The following RBBP4 variants were observed in gnomAD, a reference collection of about 807,000 sequenced individuals.
RBBP4 encodes RB binding protein 4, chromatin remodeling factor.
A neutral mutation model predicts 57.2 loss-of-function variants in RBBP4; 3 were observed. The ratio of observed to expected loss-of-function variants is 0.05; its 90% CI spans 0.02 to 0.14. RBBP4 has a LOEUF of 0.14. Ranked by LOEUF, RBBP4 falls within the 10% of genes least tolerant of loss-of-function variation. RBBP4 has a pLI of 1.00. For missense variants in RBBP4, 107 were observed against 520.6 expected, an observed-to-expected ratio of 0.21 and a Z score of 7.73; for synonymous variants, 151 against 171.5, an observed-to-expected ratio of 0.88 and a Z score of 0.93.
intron 2 of RBBP4, among the ~76,000 whole-genome samples, chr1:32,656,062 TAGTC>T (rs1302118782): frequency 1.1e-4 from 17 of 152,186 alleles, no homozygotes; most frequent in African/African-American, 3.1e-4. Flanking sequence ...GAACACTAAA[TAGTC>T]AGTTTTAATC....
chr1:32,677,709 G>GAGT, intron 11 of RBBP4, among the ~76,000 whole-genome samples: 1 of 7,426 alleles, frequency 1.3e-4, no homozygotes, highest in South Asian at 0.071. Flanking sequence ...GAATAGGATT[G>GAGT]AGTTGTACAC....
At chr1:32,667,370 T>C (rs1648698053) in intron 3 of RBBP4, among the ~76,000 whole-genome samples, 1 of 152,226 alleles carries the variant, frequency 6.6e-6, no homozygotes, top group African/African-American at 2.4e-5. Context: ...TTCAGCTGCC[T>C]GAAAGGGAAG....
At chr1:32,653,951 C>T (rs1260503513) in intron 2 of RBBP4, among the ~76,000 whole-genome samples, 3 of 152,078 alleles carry the variant, frequency 2.0e-5, no homozygotes, top group Non-Finnish European at 4.4e-5. Flanking sequence ...AGCCACCGCG[C>T]CCGGCCTAGA....
intron 11 of RBBP4, among the ~76,000 whole-genome samples, chr1:32,674,335 G>T (rs1022377021): frequency 6.6e-6 from 1 of 152,060 alleles, no homozygotes; most frequent in Non-Finnish European, 1.5e-5. Flanking sequence ...CCGGGCTCAA[G>T]ACATCCTCCT....
intron 3 of RBBP4, among the ~76,000 whole-genome samples, chr1:32,664,128 C>T (rs1648544894): frequency 6.6e-6 from 1 of 152,026 alleles, no homozygotes; most frequent in South Asian, 2.1e-4. Context: ...CGGGGTTTTA[C>T]CGTGTTAGCC....
At position 32,669,775 on chromosome 1, in the gene RBBP4, A is replaced by G. The variant is rs2148527016; in HGVS notation, c.966+212A>G. On this transcript the variant is annotated intron_variant, in intron 8 of 11. Coordinates refer to ENST00000373493, the MANE Select transcript of RBBP4 (RefSeq NM_005610.3). The surrounding 1 kb of genome is among the most constrained non-coding windows in gnomAD (Gnocchi z 4.9). Reference sequence around the variant, plus strand: ...CATGGTGGCGGATGCCCGTAGTCCCAGCTACTCGGGAGGCTGAGGCAGGAG... The same window carrying G: ...CATGGTGGCGGATGCCCGTAGTCCCGGCTACTCGGGAGGCTGAGGCAGGAG... Among the ~76,000 whole-genome samples, 1 of 152,238 alleles carries G rather than the reference A, an allele frequency of 6.6e-6. No homozygotes were observed. The highest frequency in any genetic ancestry group is 2.4e-5 in the African/African-American group (1 of 41,540).
chr1:32,670,869 T>C (rs540185735), intron 8 of RBBP4, among the ~76,000 whole-genome samples: 30 of 152,332 alleles, frequency 2.0e-4, no homozygotes, highest in African/African-American at 6.0e-4. Context: ...AACTGGGCTT[T>C]AGGTGAGCCA....
rs1422627041 is a variant in RBBP4 at position 32,679,635 on chromosome 1, G to T, written c.1213-5G>T. 1.3e-6 allele frequency: 2 copies of T among 1,564,002 alleles called. No individual in the cohort carries two copies. Among genetic ancestry groups the T allele is most frequent in the Non-Finnish European group, 1.7e-6 (2 of 1,163,084 alleles). Reference sequence around the variant, plus strand: ...GTTTAAATTCTTTTTCTTGTTTTTGGGCAGGCAGAGAACATTTATAATGAT... The same window carrying T: ...GTTTAAATTCTTTTTCTTGTTTTTGTGCAGGCAGAGAACATTTATAATGAT... On this transcript the variant is annotated splice_region_variant and splice_polypyrimidine_tract_variant and intron_variant, in intron 11 of 11. Transcript: ENST00000373493.
chr1:32,677,684 C>G (rs1649163384), intron 11 of RBBP4, among the ~76,000 whole-genome samples: 1 of 125,922 alleles, frequency 7.9e-6, no homozygotes, highest in South Asian at 3.0e-4. Context: ...CCAAAGCTAA[C>G]TTCAGATAGT....
intron 11 of RBBP4, among the ~76,000 whole-genome samples, chr1:32,678,533 C>T (rs1175532595): frequency 1.5e-5 from 2 of 135,796 alleles, no homozygotes; most frequent in African/African-American, 2.7e-5. Flanking sequence ...GGCCTGGACA[C>T]CTTATATAAA....
intron 1 of RBBP4, chr1:32,651,568 G>A: frequency 9.2e-7 from 1 of 1,084,072 alleles, no homozygotes; most frequent in African/African-American, 1.6e-5. Context: ...TCCTGCCTCC[G>A]ATATCGGTTT....
intron 2 of RBBP4, among the ~76,000 whole-genome samples, chr1:32,653,376 C>T (rs1379457189): frequency 1.3e-5 from 2 of 152,072 alleles, no homozygotes; most frequent in South Asian, 2.1e-4. Context: ...CATTCAAAAG[C>T]GATTGTATGC....
At chr1:32,668,191 G>A in intron 3 of RBBP4, 34 bp from the exon 4 acceptor site, 1 of 1,588,792 alleles carries the variant, frequency 6.3e-7, no homozygotes, top group Non-Finnish European at 8.6e-7. Context: ...AGTAGCTCTT[G>A]TTTTGTCCTC....
At chr1:32,674,493 G>T (rs1046682218) in intron 11 of RBBP4, among the ~76,000 whole-genome samples, 1 of 152,010 alleles carries the variant, frequency 6.6e-6, no homozygotes, top group Non-Finnish European at 1.5e-5. Context: ...CTCCCAGAGT[G>T]CTGGGAGTAC....
intron 11 of RBBP4, among the ~76,000 whole-genome samples, chr1:32,676,789 ACTTAATAG>A (rs1649122720): frequency 6.6e-6 from 1 of 152,016 alleles, no homozygotes; most frequent in African/African-American, 2.4e-5. Context: ...TAATACAGAA[ACTTAATAG>A]CTGGGCGTGA....
At chr1:32,657,341 A>T in intron 2 of RBBP4, 86 bp from the exon 3 acceptor site, 1 of 1,313,016 alleles carries the variant, frequency 7.6e-7, no homozygotes, top group Non-Finnish European at 1.1e-6. Context: ...TGGTTGTATT[A>T]GTGACTTTGA....
intron 2 of RBBP4, 36 bp from the exon 3 acceptor site, chr1:32,657,391 A>C: frequency 1.3e-6 from 2 of 1,589,760 alleles, no homozygotes; most frequent in Non-Finnish European, 1.7e-6. Context: ...TCCTGATGTT[A>C]CTAATTTGAA....
chr1:32,677,447 G>T (rs1415360426), intron 11 of RBBP4, among the ~76,000 whole-genome samples: 1 of 148,350 alleles, frequency 6.7e-6, no homozygotes, highest in East Asian at 2.0e-4. Flanking sequence ...CTTCCATGTG[G>T]TTCCTCAGTT....
chr1:32,665,893 T>G (rs1254454119), intron 3 of RBBP4, among the ~76,000 whole-genome samples: 1 of 152,234 alleles, frequency 6.6e-6, no homozygotes, highest in Non-Finnish European at 1.5e-5. Context: ...AACCGTACCA[T>G]GCTGCCTTCT....
Sources: gnomAD v4.1 joint callset for allele counts (sites outside exome capture counted in the v4.1 genomes callset) on GRCh38, gnomAD v4.1.1 for gene constraint, Gnocchi (gnomAD v3.1) non-coding constraint, MANE v1.5 for transcripts, NCBI Gene and HGNC (gene_info 2026-07-23, HGNC 2026-07-21) for gene names.